The following VAV3 variants were observed in gnomAD, a reference collection of about 807,000 sequenced individuals.
VAV3 encodes the protein guanine nucleotide exchange factor VAV3.
VAV3 carries 94 observed loss-of-function variants against 131.2 expected under a neutral mutation model. That is an observed-to-expected ratio of 0.72 (90% CI 0.61 to 0.85). The LOEUF (loss-of-function observed/expected upper bound fraction) is 0.85, where lower values mean the gene tolerates loss of function less well. VAV3 is among the 40% of genes least tolerant of loss of function. The probability of loss-of-function intolerance (pLI) is 0.00; values close to 1 mark genes in which losing one functional copy is unlikely to be tolerated. For synonymous variants in VAV3, 349 were observed against 342.0 expected (o/e 1.02, Z -0.22); for missense variants, 939 against 1,002.7 (o/e 0.94, Z 0.86).
chr1:107,690,518 C>T (rs1159157738), intron 17 of VAV3, among the ~76,000 whole-genome samples: 2 of 152,166 alleles, frequency 1.3e-5, no homozygotes, highest in Admixed American at 1.3e-4. Context: ...AGACACGGCA[C>T]TGATGAGACT....
At chr1:107,866,355 T>G (rs1332177181) in intron 2 of VAV3, among the ~76,000 whole-genome samples, 1 of 152,148 alleles carries the variant, frequency 6.6e-6, no homozygotes, top group East Asian at 1.9e-4. Flanking sequence ...TACCTTCCCC[T>G]GGTGATAAAC....
intron 1 of VAV3, among the ~76,000 whole-genome samples, chr1:107,929,025 A>T (rs1395887602): frequency 1.3e-5 from 2 of 152,112 alleles, no homozygotes; most frequent in Admixed American, 6.6e-5. Context: ...GAAACAAATA[A>T]CACATAATGG....
intron 15 of VAV3, among the ~76,000 whole-genome samples, chr1:107,716,622 T>C (rs1435326692): frequency 6.6e-6 from 1 of 152,240 alleles, no homozygotes; most frequent in East Asian, 1.9e-4. Context: ...GATGTGCTGC[T>C]GGATTCAGTT....
At chr1:107,722,610 T>G (rs556261910) in intron 15 of VAV3, among the ~76,000 whole-genome samples, 14 of 152,248 alleles carry the variant, frequency 9.2e-5, no homozygotes, top group African/African-American at 3.1e-4. Flanking sequence ...CCAATAAGAA[T>G]ACAAATGGAA....
intron 25 of VAV3, among the ~76,000 whole-genome samples, chr1:107,576,088 AATAATGATTTTATAG>A (rs1394242425): frequency 6.6e-6 from 1 of 152,150 alleles, no homozygotes; most frequent in African/African-American, 2.4e-5. Context: ...CTTCAAGAAA[AATAATGATTTTATAG>A]ATTTTTCATC....
At chr1:107,793,905 T>C (rs1460922152) in intron 2 of VAV3, among the ~76,000 whole-genome samples, 1 of 152,198 alleles carries the variant, frequency 6.6e-6, no homozygotes, top group Non-Finnish European at 1.5e-5. Context: ...GGACAAGCAT[T>C]ATGAAAACAG....
intron 2 of VAV3, among the ~76,000 whole-genome samples, chr1:107,867,530 T>C (rs976315701): frequency 1.3e-5 from 2 of 152,138 alleles, no homozygotes; most frequent in African/African-American, 4.8e-5. Flanking sequence ...GCCAGACACA[T>C]ACATTAGGGA....
Position 107,753,535 on chromosome 1 carries a change from T to C in VAV3, c.1173+1892A>G, listed in dbSNP as rs1286521007. On this transcript the variant is annotated intron_variant, in intron 12 of 26. Coordinates refer to ENST00000370056, the MANE Select transcript of VAV3 (RefSeq NM_006113.5). ...ACACATATATATATATACGTATATATATATATATATATATACACACACACA... is the reference window on the plus strand; with the variant it reads ...ACACATATATATATATACGTATATACATATATATATATATACACACACACA... Among the ~76,000 whole-genome samples, 31 of 91,322 alleles carry C rather than the reference T, an allele frequency of 3.4e-4. 1 individual carries two copies. In the East Asian group the frequency reaches 8.3e-3, roughly 24 times the overall value. The allele number at this position is 91,322 out of a possible 152,430, so 59.9% of individuals were successfully genotyped here.
chr1:107,874,188 G>A (rs992294297), intron 2 of VAV3, among the ~76,000 whole-genome samples: 1 of 152,148 alleles, frequency 6.6e-6, no homozygotes, highest in African/African-American at 2.4e-5. Context: ...TTTATGGCTA[G>A]TTACTTGTGA....
At chr1:107,786,754 C>G (rs1362316604) in intron 2 of VAV3, among the ~76,000 whole-genome samples, 1 of 152,204 alleles carries the variant, frequency 6.6e-6, no homozygotes, top group Non-Finnish European at 1.5e-5. Flanking sequence ...AGCCACACCT[C>G]TCTACTCCAA....
In VAV3 at chr1:107,757,135, G is replaced by A. The variant is rs537816798; in HGVS notation, c.1086+126C>T. 34 of 588,896 alleles carry A rather than the reference G, an allele frequency of 5.8e-5. No individual in the cohort carries two copies. In the Admixed American group the frequency reaches 8.1e-4, roughly 14 times the overall value. The allele number at this position is 588,896 out of a possible 1,614,324, so 36.5% of individuals were successfully genotyped here. A position where few individuals can be genotyped will look rare whatever the true frequency, so the allele number is the denominator to read the frequency against. ...TTTATGTGTATATATATATGTTTGT[G>A]TATATATATGTGTGTATATGTGTGT... On this transcript the variant is annotated intron_variant, in intron 11 of 26. Coordinates refer to ENST00000370056, the MANE Select transcript of VAV3 (RefSeq NM_006113.5).
chr1:107,577,577 G>C (rs1649746047), intron 25 of VAV3, among the ~76,000 whole-genome samples: 1 of 152,194 alleles, frequency 6.6e-6, no homozygotes, highest in Admixed American at 6.5e-5. Context: ...TCATGAGACA[G>C]CTTCTGGGAC....
At chr1:107,760,739 T>G in intron 10 of VAV3, 45 bp downstream of exon 10, 1 of 1,447,274 alleles carries the variant, frequency 6.9e-7, no homozygotes. Context: ...AATATTTTGT[T>G]GAGTGAATAA....
At chr1:107,897,888 T>A (rs1397685158) in intron 1 of VAV3, among the ~76,000 whole-genome samples, 1 of 152,200 alleles carries the variant, frequency 6.6e-6, no homozygotes, top group African/African-American at 2.4e-5. Flanking sequence ...CTCTTGCTCT[T>A]TTCCCTACAC....
chr1:107,868,893 A>T (rs1670125649), intron 2 of VAV3, among the ~76,000 whole-genome samples: 1 of 152,162 alleles, frequency 6.6e-6, no homozygotes, highest in African/African-American at 2.4e-5. Flanking sequence ...TGGTTCATGG[A>T]AAAACCTATA....
intron 2 of VAV3, among the ~76,000 whole-genome samples, chr1:107,854,660 A>G (rs1369650001): frequency 1.3e-5 from 2 of 152,180 alleles, no homozygotes; most frequent in Middle Eastern, 6.8e-3. Context: ...TTTCTCTGCA[A>G]TTTTCCTGCT....
chr1:107,871,943 C>T (rs1268877943), intron 2 of VAV3, among the ~76,000 whole-genome samples: 1 of 152,192 alleles, frequency 6.6e-6, no homozygotes, highest in Non-Finnish European at 1.5e-5. Context: ...GCTGCAGACT[C>T]ATGCAGTATC....
chr1:107,893,355 C>T (rs1271310660), intron 1 of VAV3, among the ~76,000 whole-genome samples: 2 of 152,104 alleles, frequency 1.3e-5, no homozygotes, highest in Non-Finnish European at 2.9e-5. Flanking sequence ...TAATAAAAAT[C>T]ACAGGGTAAA....
intron 15 of VAV3, among the ~76,000 whole-genome samples, chr1:107,709,210 T>G (rs1660631028): frequency 6.6e-6 from 1 of 152,164 alleles, no homozygotes. Flanking sequence ...GCCTCCCCAC[T>G]GACCTGTGTG....
Sources: allele counts gnomAD v4.1 joint callset (sites outside exome capture counted in the v4.1 genomes callset), GRCh38; gene constraint gnomAD v4.1.1; transcripts MANE v1.5; gene names NCBI Gene and HGNC (gene_info 2026-07-23, HGNC 2026-07-21).